The following CD99 variants were observed in gnomAD, a reference collection of about 807,000 sequenced individuals.
CD99 encodes the protein CD99 antigen.
CD99 carries 19 observed loss-of-function variants against 28.4 expected under a neutral mutation model. The observed-to-expected ratio is 0.67, with a 90% CI of 0.47 to 0.98. CD99 has a LOEUF of 0.98. CD99 is among the 50% of genes least tolerant of loss of function. The pLI, the probability that CD99 is intolerant of heterozygous loss-of-function variation, is 0.00. For synonymous variants in CD99, 103 were observed against 92.1 expected (o/e 1.12, Z -0.67); for missense variants, 283 against 248.8 (o/e 1.14, Z -0.92).
chrX:2,703,611 T>A (rs1275035255), intron 1 of CD99, among the ~76,000 whole-genome samples: 3 of 111,298 alleles, frequency 2.7e-5, no homozygotes, highest in Admixed American at 8.2e-5. Context: ...GTTAAGTGTG[T>A]GTGTGTGTGT....
chrX:2,739,042 A>G (rs1201588203), intron 9 of CD99, among the ~76,000 whole-genome samples: 2 of 151,390 alleles, frequency 1.3e-5, no homozygotes, highest in African/African-American at 4.9e-5. Context: ...TTTATTTTGT[A>G]GAGACAAGGT....
chrX:2,722,533 A>C, intron 5 of CD99, 94 bp from the exon 6 acceptor site: 1 of 1,057,556 alleles, frequency 9.5e-7, no homozygotes, highest in Non-Finnish European at 1.5e-6. Context: ...GTTGATGAAC[A>C]GGCCGGTTTT....
chrX:2,728,076 A>G (rs1171927332), intron 8 of CD99, among the ~76,000 whole-genome samples: 2 of 152,146 alleles, frequency 1.3e-5, no homozygotes, highest in African/African-American at 2.4e-5. Context: ...TTCGGATCTC[A>G]AGACTTTAAA....
chrX:2,714,416 T>C lies in CD99; in HGVS notation c.68-6T>C. On this transcript the variant is annotated splice_region_variant and splice_polypyrimidine_tract_variant and intron_variant, in intron 1 of 9. Transcript: ENST00000381192. Reference sequence around the variant, plus strand: ...TTTCTAAGTTGACTCTTTTTTTCTCTCTTAGATGGTGGTTTCGATTTATCC... The same window carrying C: ...TTTCTAAGTTGACTCTTTTTTTCTCCCTTAGATGGTGGTTTCGATTTATCC... The C allele has an allele frequency of 6.3e-7, 1 of 1,592,626 alleles. No individual in the cohort carries two copies. The highest frequency in any genetic ancestry group is 1.1e-5 in the South Asian group (1 of 89,812).
intron 8 of CD99, 23 bp from the exon 9 acceptor site, chrX:2,738,177 G>T (rs1263811603): frequency 1.9e-6 from 3 of 1,611,160 alleles, no homozygotes; most frequent in African/African-American, 1.3e-5. Context: ...GAGCCTCTCT[G>T]TGTATTTTCT....
At chrX:2,693,821 G>A (rs1296156547) in intron 1 of CD99, among the ~76,000 whole-genome samples, 1 of 152,186 alleles carries the variant, frequency 6.6e-6, no homozygotes, top group Non-Finnish European at 1.5e-5. Flanking sequence ...ACAGGGCGAC[G>A]TTGGCCCCGA....
chrX:2,692,014 G>A, intron 1 of CD99: 1 of 702,220 alleles, frequency 1.4e-6, no homozygotes, highest in East Asian at 2.5e-5. Context: ...TGTGCGCCAA[G>A]CAACACGGGG....
chrX:2,739,659 G>A (rs895022201), intron 9 of CD99, among the ~76,000 whole-genome samples: 19 of 151,650 alleles, frequency 1.3e-4, no homozygotes, highest in African/African-American at 4.6e-4. Context: ...TCGCCATGTT[G>A]GCCAGAGTGG....
chrX:2,724,246 A>G (rs941006641), intron 7 of CD99, among the ~76,000 whole-genome samples: 1 of 152,120 alleles, frequency 6.6e-6, no homozygotes, highest in Non-Finnish European at 1.5e-5. Flanking sequence ...AATGTCTACT[A>G]TGTCACTTCA....
At chrX:2,700,124 C>T (rs972754122) in intron 1 of CD99, among the ~76,000 whole-genome samples, 3 of 152,084 alleles carry the variant, frequency 2.0e-5, no homozygotes, top group African/African-American at 7.2e-5. Flanking sequence ...TTGGTGGCTG[C>T]GTGTGTGGGC....
intron 7 of CD99, among the ~76,000 whole-genome samples, chrX:2,723,692 C>T (rs888355488): frequency 6.6e-6 from 1 of 152,184 alleles, no homozygotes; most frequent in African/African-American, 2.4e-5. Flanking sequence ...CGATCAGAGG[C>T]TTGTGACGCA....
chrX:2,740,753 CT>C, intron 9 of CD99, 25 bp from the exon 10 acceptor site: 1 of 1,613,434 alleles, frequency 6.2e-7, no homozygotes, highest in Non-Finnish European at 8.5e-7. Flanking sequence ...CTGGGAATGA[CT>C]TTCTTTTGTC....
chrX:2,713,310 C>G (rs1365423051), intron 1 of CD99, among the ~76,000 whole-genome samples: 9 of 121,912 alleles, frequency 7.4e-5, no homozygotes, highest in African/African-American at 2.0e-4. Context: ...CATATGCACA[C>G]AAAAAACACA....
intron 8 of CD99, among the ~76,000 whole-genome samples, chrX:2,735,214 G>C (rs2049875421): frequency 6.6e-6 from 1 of 152,028 alleles, no homozygotes; most frequent in Non-Finnish European, 1.5e-5. Flanking sequence ...AGCACACGGT[G>C]TGTGTGTGTG....
chrX:2,697,613 G>C (rs2047637297), intron 1 of CD99, among the ~76,000 whole-genome samples: 1 of 152,222 alleles, frequency 6.6e-6, no homozygotes, highest in African/African-American at 2.4e-5. Context: ...CGATGGACTG[G>C]AACACGATGG....
At chrX:2,711,911 G>A (rs1289337616) in intron 1 of CD99, among the ~76,000 whole-genome samples, 7 of 151,934 alleles carry the variant, frequency 4.6e-5, no homozygotes, top group South Asian at 2.1e-4. Flanking sequence ...CATGATGGGC[G>A]GGCGCCTATA....
At chrX:2,702,315 C>T (rs1245224060) in intron 1 of CD99, among the ~76,000 whole-genome samples, 14 of 152,052 alleles carry the variant, frequency 9.2e-5, no homozygotes, top group Admixed American at 8.5e-4. Context: ...AATTCTGTGA[C>T]CCCCTACCCC....
chrX:2,719,156 C>T (rs1486974631), intron 3 of CD99: 1 of 154,934 alleles, frequency 6.5e-6, no homozygotes, highest in African/African-American at 2.4e-5. Context: ...ACTGTCACAT[C>T]AGTTGCGGAG....
At chrX:2,700,807 A>G (rs1308097283) in intron 1 of CD99, among the ~76,000 whole-genome samples, 1 of 151,230 alleles carries the variant, frequency 6.6e-6, no homozygotes, top group Non-Finnish European at 1.5e-5. Flanking sequence ...TTATCCGTTC[A>G]CCCATTCATC....
Sources: allele counts gnomAD v4.1 joint callset (sites outside exome capture counted in the v4.1 genomes callset), GRCh38; gene constraint gnomAD v4.1.1; transcripts MANE v1.5; gene names NCBI Gene and HGNC (gene_info 2026-07-23, HGNC 2026-07-21).